Variants in NALCN observed in about 807,000 individuals in gnomAD.
NALCN encodes the protein sodium leak channel, non-selective.
NALCN carries 111 observed loss-of-function variants against 225.3 expected under a neutral mutation model. The observed-to-expected ratio is 0.49, with a 90% CI of 0.42 to 0.58. The LOEUF is 0.58. Ranked by LOEUF, NALCN falls within the 20% of genes least tolerant of loss-of-function variation. NALCN has a pLI of 0.00. For synonymous variants in NALCN, 764 were observed against 769.0 expected (o/e 0.99, Z 0.11); for missense variants, 1,378 against 2,202.4 (o/e 0.63, Z 7.49).
At chr13:101,392,403 G>GA (rs1802762150) in intron 3 of NALCN, among the ~76,000 whole-genome samples, 1 of 151,900 alleles carries the variant, frequency 6.6e-6, no homozygotes, top group Non-Finnish European at 1.5e-5. Flanking sequence ...AAGCACTAAG[G>GA]AAAAAATAAT....
intron 34 of NALCN, among the ~76,000 whole-genome samples, chr13:101,076,950 C>A (rs932777915): frequency 6.6e-6 from 1 of 152,130 alleles, no homozygotes; most frequent in African/African-American, 2.4e-5. Flanking sequence ...TTGTAGTTCC[C>A]ATAATCCCCA....
intron 10 of NALCN, among the ~76,000 whole-genome samples, chr13:101,259,187 C>G (rs902153147): frequency 6.6e-6 from 1 of 152,042 alleles, no homozygotes; most frequent in Non-Finnish European, 1.5e-5. Flanking sequence ...AATAAGGAAA[C>G]TGAGGCTCAA....
Position 101,399,082 on chromosome 13 carries a change from G to C in NALCN, c.45C>G (p.Val15=). 3.7e-6 allele frequency: 6 copies of C among 1,613,632 alleles called. No homozygotes were observed. The highest frequency in any genetic ancestry group is 5.1e-6 in the Non-Finnish European group (6 of 1,179,680). ...GAGACTCATCAGGACCAAAGTCAGT[G>C]ACTGGCTGGGCTTCCACCCTGGAAC... The part of the protein sequence containing the change: ...KQSSRVEAQP[V]TDFGPDESLS... Residue 15 remains valine (V), a synonymous_variant, in exon 2 of 44, where the codon GTC becomes GTG. Coordinates refer to ENST00000251127, the MANE Select transcript of NALCN (RefSeq NM_052867.4).
intron 34 of NALCN, 77 bp downstream of exon 34, chr13:101,081,450 G>A: frequency 6.3e-7 from 1 of 1,594,920 alleles, no homozygotes; most frequent in Non-Finnish European, 8.5e-7. Flanking sequence ...GGAGTAAAAT[G>A]AGACTGGAAA....
Position 101,378,621 on chromosome 13 carries a change from AC to A in NALCN, c.323del (p.Cys108LeufsTer25). ...AAAAGACCATAAATCCATCAAAAACACACCAGCGATCTTTCACATAGGAACT... is the reference window on the plus strand; with the variant it reads ...AAAAGACCATAAATCCATCAAAAACAACCAGCGATCTTTCACATAGGAACT... ...GDSSYVKDRWCVFDGFMVFCL... is the reference protein window; with the variant it reads ...GDSSYVKDRWXVFDGFMVFCL... On this transcript the variant is annotated frameshift_variant, in exon 4 of 44. Transcript: ENST00000251127. LOFTEE classifies it high-confidence loss of function. The A allele has an allele frequency of 6.2e-7, 1 of 1,610,272 alleles. No homozygotes were observed. The highest frequency in any genetic ancestry group is 8.5e-7 in the Non-Finnish European group (1 of 1,177,780).
chr13:101,157,911 C>T (rs1006189372), intron 15 of NALCN, among the ~76,000 whole-genome samples: 13 of 152,142 alleles, frequency 8.5e-5, no homozygotes, highest in African/African-American at 2.9e-4. Flanking sequence ...CGCCACCACA[C>T]CCAGCTAATT....
chr13:101,167,852 C>A (rs28579525), intron 15 of NALCN, among the ~76,000 whole-genome samples: 19,450 of 95,910 alleles, frequency 0.2, 1,938 homozygotes, highest in East Asian at 0.47. Context: ...AAAACAAAAA[C>A]AAAAACTGTT....
intron 7 of NALCN, among the ~76,000 whole-genome samples, chr13:101,334,603 C>T (rs185448679): frequency 3.3e-5 from 5 of 152,228 alleles, no homozygotes; most frequent in East Asian, 1.9e-4. Context: ...AATTCACTCA[C>T]GCAATAAAGG....
intron 11 of NALCN, among the ~76,000 whole-genome samples, chr13:101,238,949 T>A (rs1330625689): frequency 6.6e-6 from 1 of 151,940 alleles, no homozygotes; most frequent in Admixed American, 6.6e-5. Context: ...GAAATTAGCA[T>A]CACTTCTCAA....
At position 101,379,926 on chromosome 13, in the gene NALCN, G is replaced by C. The variant is rs535146919; in HGVS notation, c.292-1273C>G. ...CCCAAATTTATAAAGCAAGTTCTTA[G>C]AGATGTTCAAAGAGACTTACAGTTC... On this transcript the variant is annotated intron_variant, in intron 3 of 43. Coordinates refer to ENST00000251127, the MANE Select transcript of NALCN (RefSeq NM_052867.4). Among the ~76,000 whole-genome samples the C allele has an allele frequency of 2.0e-5, 3 of 151,792 alleles. No homozygotes were observed. The South Asian group carries it at 6.3e-4, about 32-fold the overall frequency.
chr13:101,157,326 C>G (rs1200324856), intron 15 of NALCN, among the ~76,000 whole-genome samples: 1 of 152,150 alleles, frequency 6.6e-6, no homozygotes, highest in African/African-American at 2.4e-5. Context: ...GGTTTTTGGT[C>G]CCTAAATACC....
intron 13 of NALCN, 66 bp downstream of exon 13, chr13:101,229,327 G>T (rs2041259798): frequency 1.5e-6 from 2 of 1,326,932 alleles, no homozygotes; most frequent in East Asian, 2.5e-5. Context: ...AAATTACTTT[G>T]ATGTTAATCA....
At position 101,129,455 on chromosome 13, in the gene NALCN, T is replaced by C. The variant is rs192263135; in HGVS notation, c.2119-4774A>G. Among the ~76,000 whole-genome samples the C allele has an allele frequency of 4.3e-4, 65 of 152,318 alleles. No individual in the cohort carries two copies. In the East Asian group the frequency reaches 6.8e-3, roughly 16 times the overall value. On this transcript the variant is annotated intron_variant, in intron 17 of 43. Coordinates refer to ENST00000251127, the MANE Select transcript of NALCN (RefSeq NM_052867.4). ...AAGTTGGTCAGTCTGTAGGTTCTTT[T>C]TATATGACCCTCGTAGTCTTTGACA...
At chr13:101,272,087 G>T (rs1194793303) in intron 10 of NALCN, among the ~76,000 whole-genome samples, 1 of 151,796 alleles carries the variant, frequency 6.6e-6, no homozygotes, top group East Asian at 1.9e-4. Flanking sequence ...ATGTGTATGT[G>T]CACGAGTGTG....
chr13:101,189,596 T>G (rs1300144588), intron 14 of NALCN, among the ~76,000 whole-genome samples: 1 of 152,168 alleles, frequency 6.6e-6, no homozygotes, highest in African/African-American at 2.4e-5. Flanking sequence ...AGATATCGAG[T>G]GACCAGCAGA....
At chr13:101,300,687 A>C (rs1346151906) in intron 7 of NALCN, among the ~76,000 whole-genome samples, 6 of 152,194 alleles carry the variant, frequency 3.9e-5, no homozygotes, top group African/African-American at 1.4e-4. Flanking sequence ...AATAATCTTC[A>C]ACACAACTTG....
intron 2 of NALCN, among the ~76,000 whole-genome samples, chr13:101,396,253 A>G (rs2047290378): frequency 6.6e-6 from 1 of 152,148 alleles, no homozygotes; most frequent in African/African-American, 2.4e-5. Context: ...TATGAAAACT[A>G]GTATCTAGGA....
At chr13:101,352,415 A>C (rs2045932398) in intron 6 of NALCN, among the ~76,000 whole-genome samples, 1 of 152,298 alleles carries the variant, frequency 6.6e-6, no homozygotes, top group Admixed American at 6.5e-5. Context: ...CATTCTGGAA[A>C]GTGAAAATGT....
At chr13:101,163,070 T>G (rs2038264153) in intron 15 of NALCN, among the ~76,000 whole-genome samples, 1 of 151,990 alleles carries the variant, frequency 6.6e-6, no homozygotes, top group South Asian at 2.1e-4. Flanking sequence ...CCTGGCTAAT[T>G]TTTTGTATTT....
Sources: allele counts gnomAD v4.1 joint callset (sites outside exome capture counted in the v4.1 genomes callset), GRCh38; gene constraint gnomAD v4.1.1; transcripts MANE v1.5; gene names NCBI Gene and HGNC (gene_info 2026-07-23, HGNC 2026-07-21).